Variants in LONRF3 observed in about 807,000 individuals in gnomAD.
The protein encoded by LONRF3 is LON peptidase N-terminal domain and ring finger 3, also known as LON peptidase N-terminal domain and RING finger protein 3.
LONRF3 carries 19 observed loss-of-function variants against 51.7 expected under a neutral mutation model. That is an observed-to-expected ratio of 0.37 (90% CI 0.26 to 0.54). LONRF3 has a LOEUF of 0.54. Among genes scored for constraint, LONRF3 ranks in the 20% least tolerant of loss-of-function variants. The probability of loss-of-function intolerance (pLI) is 0.86; values close to 1 mark genes in which losing one functional copy is unlikely to be tolerated. For missense variants in LONRF3, 521 were observed against 623.9 expected (o/e 0.84, Z 1.76); for synonymous variants, 265 against 257.8 (o/e 1.03, Z -0.27).
Position 119,002,800 on chromosome X carries a change from T to A in LONRF3, c.1416-3321T>A, listed in dbSNP as rs548093633. Among the ~76,000 whole-genome samples, 148 of 111,352 alleles carry A rather than the reference T, an allele frequency of 1.3e-3. 2 individuals are homozygous for A. Among genetic ancestry groups the A allele is most frequent in the African/African-American group, 4.7e-3 (144 of 30,627 alleles). The stretch of plus-strand genomic sequence containing the variant: ...TTAAAAGCGCTTCTTCTTGTTTTTT[T>A]ATTTTTTTTTTATTTTGAGATGGAG... On this transcript the variant is annotated intron_variant, in intron 5 of 10. Coordinates refer to ENST00000371628, the MANE Select transcript of LONRF3 (RefSeq NM_001031855.3).
At chrX:119,004,114 C>T (rs1172228095) in intron 5 of LONRF3, among the ~76,000 whole-genome samples, 1 of 110,981 alleles carries the variant, frequency 9.0e-6, no homozygotes, top group African/African-American at 3.3e-5. Context: ...TTTTCCTCTC[C>T]AGTTCTCATT....
At chrX:119,013,255 T>C (rs1925230187) in intron 9 of LONRF3, 54 bp downstream of exon 9, 2 of 1,106,327 alleles carry the variant, frequency 1.8e-6, no homozygotes, top group Non-Finnish European at 2.5e-6. Flanking sequence ...TGTAACTTGA[T>C]ACACAAAGAT....
At chrX:118,989,281 T>C in intron 3 of LONRF3, 127 bp from the exon 4 acceptor site, 1 of 765,961 alleles carries the variant, frequency 1.3e-6, no homozygotes, top group Non-Finnish European at 1.9e-6. Flanking sequence ...AGTTGAGCTC[T>C]GTGTCCACTA....
chrX:118,982,085 T>C (rs1922607714), intron 2 of LONRF3, among the ~76,000 whole-genome samples: 1 of 111,686 alleles, frequency 9.0e-6, no homozygotes, highest in Non-Finnish European at 1.9e-5. Context: ...CTCCCTAGAG[T>C]GTCTTTCCCA....
At chrX:118,993,326 A>G (rs908413889) in intron 5 of LONRF3, among the ~76,000 whole-genome samples, 2 of 111,826 alleles carry the variant, frequency 1.8e-5, no homozygotes, top group Non-Finnish European at 3.8e-5. Flanking sequence ...AGCTTAAAGA[A>G]AAAACAATAA....
At position 119,012,969 on chromosome X, in the gene LONRF3, G is replaced by T. The variant is rs1925212585; in HGVS notation, c.1812-70G>T. On this transcript the variant is annotated intron_variant, in intron 8 of 10. Transcript: ENST00000371628. ...GCCACAGCATGGGGCTACAGAAATG[G>T]CTGGGTGCCAGCCCAGGGAAACAGA... The T allele has an allele frequency of 4.2e-6, 5 of 1,201,640 alleles. No individual in the cohort carries two copies. The African/African-American group carries it at 5.2e-5, about 12-fold the overall frequency.
rs966559576 is a variant in LONRF3 at position 118,975,656 on chromosome X, G to A, written c.817+59G>A. 6.9e-6 allele frequency: 6 copies of A among 871,760 alleles called. No homozygotes were observed. The African/African-American group carries it at 1.4e-4, about 20-fold the overall frequency. 71.8% of individuals were successfully genotyped at this position (871,760 alleles called of 1,213,427 possible). On this transcript the variant is annotated intron_variant, in intron 1 of 10. Coordinates refer to ENST00000371628, the MANE Select transcript of LONRF3 (RefSeq NM_001031855.3). ...GCTCGGTGGCTACATGAGGGAGCGG[G>A]AGAACAAACCCCGCAGCGAGAAGGG...
At chrX:118,982,717 T>C (rs1922660470) in intron 2 of LONRF3, 104 bp from the exon 3 acceptor site, 1 of 1,048,226 alleles carries the variant, frequency 9.5e-7, no homozygotes, top group Non-Finnish European at 1.3e-6. Flanking sequence ...AGAGTCCTTT[T>C]AAAATGTTTC....
At chrX:118,998,408 A>AT (rs956106062) in intron 5 of LONRF3, among the ~76,000 whole-genome samples, 1 of 111,175 alleles carries the variant, frequency 9.0e-6, no homozygotes. Context: ...GAGCTAAGCT[A>AT]TAAGGATGCA....
At chrX:118,980,900 A>G (rs1008231136) in intron 2 of LONRF3, among the ~76,000 whole-genome samples, 2 of 111,874 alleles carry the variant, frequency 1.8e-5, no homozygotes, top group Non-Finnish European at 3.8e-5. Context: ...TGAAAGTATT[A>G]AATAGGAGTT....
chrX:118,990,362 G>T (rs1179041596), intron 4 of LONRF3, 108 bp from the exon 5 acceptor site: 4 of 567,181 alleles, frequency 7.1e-6, no homozygotes, highest in African/African-American at 6.7e-5. Context: ...CTGGGAGGTG[G>T]TGGTGAGAGT....
chrX:118,974,889 C>T lies in LONRF3; in HGVS notation c.109C>T (p.Pro37Ser), dbSNP rs1434111239. The T allele has an allele frequency of 3.3e-6, 4 of 1,199,463 alleles. No homozygotes were observed. The South Asian group carries it at 7.3e-5, about 22-fold the overall frequency. ...GASAAQVDMG[P>S]HPKVAAEGPA... ...ATCAGCGGCCCAAGTAGACATGGGC[C>T]CCCACCCAAAGGTGGCTGCAGAGGG... The change falls in exon 1 of 11, where the codon CCC becomes TCC. Residue 37 changes from proline (P) to serine (S), a missense_variant. Coordinates refer to ENST00000371628, the MANE Select transcript of LONRF3 (RefSeq NM_001031855.3).
At position 119,017,715 on chromosome X, in the gene LONRF3, C is replaced by T. The variant is rs373397719; in HGVS notation, c.*25C>T. 1.7e-6 allele frequency: 2 copies of T among 1,147,578 alleles called. No homozygotes were observed. Among genetic ancestry groups the T allele is most frequent in the African/African-American group, 3.6e-5 (2 of 55,156 alleles). The allele number at this position is 1,147,578 out of a possible 1,213,427, so 94.6% of individuals were successfully genotyped here. A position where few individuals can be genotyped will look rare whatever the true frequency, so the allele number is the denominator to read the frequency against. ...GTGAGTGGATTGCCGAAGAGGAGCT[C>T]CCACCTTCCCCACTGCCGTCGGGGG... On this transcript the variant is annotated 3_prime_UTR_variant, in exon 11 of 11. Coordinates refer to ENST00000371628, the MANE Select transcript of LONRF3 (RefSeq NM_001031855.3).
chrX:118,990,598 CTT>C (rs1923354851), intron 5 of LONRF3, 38 bp downstream of exon 5: 1 of 1,091,978 alleles, frequency 9.2e-7, no homozygotes, highest in Non-Finnish European at 1.3e-6. Flanking sequence ...CCTGATGTTT[CTT>C]CATCTCTGGT....
At chrX:119,006,869 TGAGCCAC>T (rs1428675518) in intron 6 of LONRF3, among the ~76,000 whole-genome samples, 2 of 111,363 alleles carry the variant, frequency 1.8e-5, no homozygotes, top group Non-Finnish European at 3.8e-5. Context: ...ATTACAGGCG[TGAGCCAC>T]CACGCCCGGC....
intron 10 of LONRF3, among the ~76,000 whole-genome samples, chrX:119,014,954 AG>A (rs1925342788): frequency 8.9e-6 from 1 of 111,752 alleles, no homozygotes; most frequent in Admixed American, 9.5e-5. Flanking sequence ...AAATACTGTT[AG>A]TTGAGTTATA....
intron 5 of LONRF3, among the ~76,000 whole-genome samples, chrX:118,998,263 A>G (rs1167107921): frequency 8.9e-6 from 1 of 112,725 alleles, no homozygotes; most frequent in Non-Finnish European, 1.9e-5. Flanking sequence ...ATATATATAC[A>G]ATTGAATACT....
chrX:119,004,326 A>C (rs1268605996), intron 5 of LONRF3, among the ~76,000 whole-genome samples: 2 of 112,469 alleles, frequency 1.8e-5, no homozygotes, highest in Non-Finnish European at 3.7e-5. Flanking sequence ...CTCCTCCTCC[A>C]GACCTCCATT....
At chrX:118,975,648 G>C in intron 1 of LONRF3, 51 bp downstream of exon 1, 1 of 1,015,867 alleles carries the variant, frequency 9.8e-7, no homozygotes, top group Non-Finnish European at 1.3e-6. Flanking sequence ...GGCTACATGA[G>C]GGAGCGGGAG....
Sources: gnomAD v4.1 joint callset for allele counts (sites outside exome capture counted in the v4.1 genomes callset) on GRCh38, gnomAD v4.1.1 for gene constraint, MANE v1.5 for transcripts, NCBI Gene and HGNC (gene_info 2026-07-23, HGNC 2026-07-21) for gene names.